The following DLGAP2 variants were observed in gnomAD, a reference collection of about 807,000 sequenced individuals.
DLGAP2 encodes disks large-associated protein 2.
In DLGAP2, 26 loss-of-function variants were observed where a neutral mutation model predicts 100.3. That is an observed-to-expected ratio of 0.26 (90% CI 0.19 to 0.36). The LOEUF is 0.36. DLGAP2 is among the 10% of genes least tolerant of loss of function. The pLI is 1.00. For synonymous variants in DLGAP2, 886 were observed against 630.1 expected (o/e 1.41, Z -6.08); for missense variants, 1,858 against 1,453.2 (o/e 1.28, Z -4.53).
chr8:1,470,350 C>T (rs970787560), intron 3 of DLGAP2, among the ~76,000 whole-genome samples: 3 of 152,146 alleles, frequency 2.0e-5, no homozygotes, highest in Admixed American at 1.3e-4. Context: ...CAAGTGAGCC[C>T]CGCTGGTTCC....
chr8:888,773 C>T (rs1192644412), intron 1 of DLGAP2, among the ~76,000 whole-genome samples: 1 of 151,972 alleles, frequency 6.6e-6, no homozygotes, highest in African/African-American at 2.4e-5. Flanking sequence ...GGACCTCTGA[C>T]CTTGAGGGGC....
chr8:780,084 G>A (rs1356256261), intron 1 of DLGAP2, among the ~76,000 whole-genome samples: 2 of 152,168 alleles, frequency 1.3e-5, no homozygotes, highest in Admixed American at 6.5e-5. Context: ...ATGCAATGCA[G>A]TGATCACTAA....
intron 4 of DLGAP2, among the ~76,000 whole-genome samples, chr8:1,546,223 CAGTG>C (rs1801529579): frequency 6.6e-6 from 1 of 152,348 alleles, no homozygotes; most frequent in East Asian, 1.9e-4. Flanking sequence ...AAATATAACA[CAGTG>C]AGGCTCACCT....
chr8:1,529,438 T>C (rs746134086), intron 4 of DLGAP2, among the ~76,000 whole-genome samples: 6 of 152,204 alleles, frequency 3.9e-5, no homozygotes, highest in Admixed American at 6.5e-5. Context: ...ATTATCTCAG[T>C]GGTGGCCAAC....
At chr8:1,274,517 A>G (rs1339830436) in intron 3 of DLGAP2, among the ~76,000 whole-genome samples, 2 of 148,878 alleles carry the variant, frequency 1.3e-5, no homozygotes, top group African/African-American at 2.4e-5. Context: ...GTTTTAGAAC[A>G]TAAACCGTAA....
At chr8:1,299,566 C>A (rs926505980) in intron 3 of DLGAP2, among the ~76,000 whole-genome samples, 2 of 152,192 alleles carry the variant, frequency 1.3e-5, no homozygotes, top group Non-Finnish European at 2.9e-5. Flanking sequence ...TTCACTCGCA[C>A]CTTTGGCTCA....
At chr8:1,392,703 A>C (rs13272685) in intron 3 of DLGAP2, among the ~76,000 whole-genome samples, 2 of 152,010 alleles carry the variant, frequency 1.3e-5, no homozygotes, top group African/African-American at 4.8e-5. Context: ...GGGTCAGCAC[A>C]TCTGCGTTTC....
chr8:876,909 CA>C (rs35865783), intron 1 of DLGAP2, among the ~76,000 whole-genome samples: 39,949 of 151,796 alleles, frequency 0.26, 5,867 homozygotes, highest in African/African-American at 0.4. Flanking sequence ...TTGGAATCTA[CA>C]GTTAAACCCC....
chr8:1,269,256 T>A (rs1367689856), intron 3 of DLGAP2, among the ~76,000 whole-genome samples: 1 of 152,188 alleles, frequency 6.6e-6, no homozygotes, highest in African/African-American at 2.4e-5. Context: ...CAGGACACCA[T>A]GCTGGGTGCC....
At chr8:1,463,714 T>C (rs1798526755) in intron 3 of DLGAP2, among the ~76,000 whole-genome samples, 1 of 152,230 alleles carries the variant, frequency 6.6e-6, no homozygotes, top group African/African-American at 2.4e-5. Flanking sequence ...GACCAGGCAC[T>C]GGCCACGTTG....
chr8:1,050,081 G>T (rs1279973428), intron 2 of DLGAP2, among the ~76,000 whole-genome samples: 2 of 152,202 alleles, frequency 1.3e-5, no homozygotes, highest in Non-Finnish European at 2.9e-5. Context: ...CACATGCACA[G>T]GCAGTCACAC....
Position 789,034 on chromosome 8 carries a change from A to G in DLGAP2, c.18+51209A>G, listed in dbSNP as rs149353908. Among the ~76,000 whole-genome samples the G allele has an allele frequency of 4.7e-4, 72 of 152,308 alleles. 1 individual carries two copies. The highest frequency in any genetic ancestry group is 1.7e-3 in the African/African-American group (72 of 41,576). Reference sequence around the variant, plus strand: ...CTGTTCAAGGTTTTGCCGGTTTTTAAAAACATGCTTTTCTTCCTGTTGAGT... The same window carrying G: ...CTGTTCAAGGTTTTGCCGGTTTTTAGAAACATGCTTTTCTTCCTGTTGAGT... On this transcript the variant is annotated intron_variant, in intron 1 of 14. Transcript: ENST00000637795.
intron 2 of DLGAP2, among the ~76,000 whole-genome samples, chr8:1,160,039 C>A (rs1260442295): frequency 6.6e-6 from 1 of 152,190 alleles, no homozygotes; most frequent in Non-Finnish European, 1.5e-5. Context: ...TGATGACCGT[C>A]GTCGTAAACT....
At chr8:1,025,265 C>T (rs1250060144) in intron 2 of DLGAP2, among the ~76,000 whole-genome samples, 2 of 152,132 alleles carry the variant, frequency 1.3e-5, no homozygotes, top group South Asian at 2.1e-4. Flanking sequence ...CCCTCTTTCA[C>T]ACTCCCCCGA....
At chr8:825,450 G>T (rs1796669211) in intron 1 of DLGAP2, among the ~76,000 whole-genome samples, 1 of 152,194 alleles carries the variant, frequency 6.6e-6, no homozygotes, top group African/African-American at 2.4e-5. Context: ...CTTCCTTCCA[G>T]CGGTGAGTGC....
At chr8:1,267,493 A>C (rs1319563682) in intron 3 of DLGAP2, among the ~76,000 whole-genome samples, 2 of 149,914 alleles carry the variant, frequency 1.3e-5, no homozygotes, top group African/African-American at 4.9e-5. Flanking sequence ...CAGGAGGTGG[A>C]GGTTGCAGTG....
At chr8:1,086,184 A>C (rs1432663414) in intron 2 of DLGAP2, among the ~76,000 whole-genome samples, 1 of 152,120 alleles carries the variant, frequency 6.6e-6, no homozygotes, top group Non-Finnish European at 1.5e-5. Context: ...AGGGTTTTCT[A>C]TATATAATAT....
chr8:1,125,151 G>T (rs1468899105), intron 2 of DLGAP2, among the ~76,000 whole-genome samples: 2 of 152,138 alleles, frequency 1.3e-5, no homozygotes, highest in East Asian at 3.8e-4. Context: ...ATATTTCCCC[G>T]CTAGGATGCA....
intron 6 of DLGAP2, among the ~76,000 whole-genome samples, chr8:1,607,968 C>A (rs9693539): frequency 5.7e-5 from 8 of 141,346 alleles, no homozygotes; most frequent in African/African-American, 1.8e-4. Flanking sequence ...GGGGGAGGGG[C>A]GCCCGCCATT....
Sources: gnomAD v4.1 joint callset for allele counts (sites outside exome capture counted in the v4.1 genomes callset) on GRCh38, gnomAD v4.1.1 for gene constraint, MANE v1.5 for transcripts, NCBI Gene and HGNC (gene_info 2026-07-23, HGNC 2026-07-21) for gene names.